The following EBF1 variants were observed in gnomAD, a reference collection of about 807,000 sequenced individuals.
EBF1 encodes EBF transcription factor 1, also known as transcription factor COE1.
In EBF1, 10 loss-of-function variants were observed where a neutral mutation model predicts 68.4. The ratio of observed to expected loss-of-function variants is 0.15; its 90% CI spans 0.09 to 0.25. EBF1 has a LOEUF of 0.25. Ranked by LOEUF, EBF1 falls within the 10% of genes least tolerant of loss-of-function variation. EBF1 has a pLI of 1.00. For missense variants in EBF1, 509 were observed against 794.4 expected (o/e 0.64, Z 4.32); for synonymous variants, 298 against 299.8 (o/e 0.99, Z 0.06).
intron 10 of EBF1, among the ~76,000 whole-genome samples, chr5:158,756,439 C>G (rs1179611995): frequency 6.6e-6 from 1 of 152,026 alleles, no homozygotes; most frequent in East Asian, 1.9e-4. Flanking sequence ...CTTTTGCCCC[C>G]TTTATTTTTT....
At chr5:159,020,933 A>T (rs1302449462) in intron 6 of EBF1, among the ~76,000 whole-genome samples, 1 of 152,262 alleles carries the variant, frequency 6.6e-6, no homozygotes, top group East Asian at 1.9e-4. Context: ...ATATATGTGA[A>T]TATACTTAAT....
At chr5:159,024,209 C>A (rs1490115094) in intron 6 of EBF1, among the ~76,000 whole-genome samples, 4 of 152,012 alleles carry the variant, frequency 2.6e-5, no homozygotes, top group African/African-American at 9.7e-5. Context: ...AAGAAGGCAG[C>A]AAGGTCACTT....
chr5:158,806,486 C>T (rs1008321895), intron 8 of EBF1, among the ~76,000 whole-genome samples: 2 of 152,066 alleles, frequency 1.3e-5, no homozygotes, highest in African/African-American at 4.8e-5. Context: ...CCCTCACTCA[C>T]CCTGGCTCTT....
intron 10 of EBF1, among the ~76,000 whole-genome samples, chr5:158,744,394 A>G (rs945923395): frequency 7.2e-5 from 11 of 152,168 alleles, no homozygotes; most frequent in Non-Finnish European, 2.9e-5. Context: ...GAGGAACTCA[A>G]AATATAAGGT....
chr5:159,093,132 C>T (rs1781952011), intron 4 of EBF1, among the ~76,000 whole-genome samples: 1 of 152,174 alleles, frequency 6.6e-6, no homozygotes, highest in Non-Finnish European at 1.5e-5. Context: ...TCACGCTCAT[C>T]TATCTGCTTT....
intron 6 of EBF1, among the ~76,000 whole-genome samples, chr5:158,911,259 G>A (rs975408394): frequency 3.3e-5 from 5 of 152,082 alleles, no homozygotes; most frequent in African/African-American, 4.8e-5. Context: ...CTTCTTCAGC[G>A]TACTCTTTCA....
chr5:159,032,214 T>C (rs1160099000), intron 6 of EBF1, among the ~76,000 whole-genome samples: 6 of 152,256 alleles, frequency 3.9e-5, no homozygotes, highest in Admixed American at 3.9e-4. Context: ...CCTGTAATCC[T>C]GATTCCTAAA....
intron 6 of EBF1, among the ~76,000 whole-genome samples, chr5:158,913,856 C>T (rs1487875172): frequency 1.3e-5 from 2 of 152,220 alleles, no homozygotes; most frequent in Non-Finnish European, 2.9e-5. Flanking sequence ...GTACGTAAAA[C>T]AACAAAGGCT....
intron 6 of EBF1, among the ~76,000 whole-genome samples, chr5:158,978,437 A>G (rs1389691831): frequency 6.6e-6 from 1 of 152,102 alleles, no homozygotes; most frequent in Non-Finnish European, 1.5e-5. Flanking sequence ...GATCTGCTTT[A>G]CACTTCATTT....
intron 7 of EBF1, among the ~76,000 whole-genome samples, chr5:158,836,987 G>A (rs1788959257): frequency 6.6e-6 from 1 of 152,178 alleles, no homozygotes; most frequent in African/African-American, 2.4e-5. Flanking sequence ...AAGACAGTAT[G>A]GACTTTGTGC....
chr5:158,836,115 C>A (rs994331564), intron 7 of EBF1, among the ~76,000 whole-genome samples: 2 of 152,122 alleles, frequency 1.3e-5, no homozygotes, highest in Non-Finnish European at 2.9e-5. Flanking sequence ...GGAGGCAAAA[C>A]GAACAAACAG....
At chr5:158,864,856 C>T (rs547203017) in intron 6 of EBF1, among the ~76,000 whole-genome samples, 4 of 152,254 alleles carry the variant, frequency 2.6e-5, no homozygotes, top group South Asian at 4.1e-4. Context: ...GGAGGTGATG[C>T]GACGGCAGTT....
At chr5:158,925,855 A>G (rs1257055762) in intron 6 of EBF1, among the ~76,000 whole-genome samples, 2 of 152,220 alleles carry the variant, frequency 1.3e-5, no homozygotes, top group Non-Finnish European at 2.9e-5. Flanking sequence ...TTTTAAACTG[A>G]GAAGGTCATG....
At chr5:158,818,815 G>T (rs1465941316) in intron 8 of EBF1, among the ~76,000 whole-genome samples, 1 of 151,510 alleles carries the variant, frequency 6.6e-6, no homozygotes, top group African/African-American at 2.4e-5. Flanking sequence ...AAATAAGTAG[G>T]ACCCCAGGTC....
chr5:158,958,833 A>G (rs1330653554), intron 6 of EBF1, among the ~76,000 whole-genome samples: 1 of 152,174 alleles, frequency 6.6e-6, no homozygotes, highest in Non-Finnish European at 1.5e-5. Flanking sequence ...CCCACGTTCA[A>G]TGCCATGTGC....
rs1163764270 is a variant in EBF1 at position 158,696,128 on chromosome 5, A to G, written c.*2983T>C. The G allele has an allele frequency of 9.2e-6, 2 of 217,680 alleles. No homozygotes were observed. The highest frequency in any genetic ancestry group is 6.8e-5 in the East Asian group (1 of 14,798). 13.5% of individuals were successfully genotyped at this position (217,680 alleles called of 1,614,324 possible). On this transcript the variant is annotated 3_prime_UTR_variant, in exon 16 of 16. Transcript: ENST00000313708. The stretch of plus-strand genomic sequence containing the variant: ...TTAGAGATGACTTCATTTAAGCTGC[A>G]TCCTAGTACAATGTGAGGCCAGGGC...
intron 6 of EBF1, among the ~76,000 whole-genome samples, chr5:158,872,196 CTTTTCT>C (rs1230479960): frequency 1.3e-5 from 2 of 148,306 alleles, no homozygotes; most frequent in Non-Finnish European, 3.0e-5. Flanking sequence ...TTGGTCTTTT[CTTTTCT>C]TTTTTTTTTT....
chr5:158,975,334 G>T (rs1042163966), intron 6 of EBF1, among the ~76,000 whole-genome samples: 2 of 152,130 alleles, frequency 1.3e-5, no homozygotes, highest in Non-Finnish European at 2.9e-5. Context: ...CGTATGCTGT[G>T]TTTACTGAGA....
intron 10 of EBF1, among the ~76,000 whole-genome samples, chr5:158,763,864 C>T (rs533595647): frequency 1.3e-3 from 204 of 152,268 alleles, no homozygotes; most frequent in African/African-American, 4.1e-3. Flanking sequence ...GGGAAAGACC[C>T]TTCCCTTATC....
Sources: allele counts gnomAD v4.1 joint callset (sites outside exome capture counted in the v4.1 genomes callset), GRCh38; gene constraint gnomAD v4.1.1; transcripts MANE v1.5; gene names NCBI Gene and HGNC (gene_info 2026-07-23, HGNC 2026-07-21).